The following CDIN1 variants were observed in gnomAD, a reference collection of about 807,000 sequenced individuals.
The protein encoded by CDIN1 is CDAN1-interacting nuclease 1.
In CDIN1, 33 loss-of-function variants were observed where a neutral mutation model predicts 45.3. The observed-to-expected ratio is 0.73, with a 90% CI of 0.55 to 0.97. The LOEUF (loss-of-function observed/expected upper bound fraction) is 0.97, where lower values mean the gene tolerates loss of function less well. CDIN1 is among the 50% of genes least tolerant of loss of function. The probability of loss-of-function intolerance (pLI) is 0.00; values close to 1 mark genes in which losing one functional copy is unlikely to be tolerated. For synonymous variants in CDIN1, 118 were observed against 124.4 expected, an observed-to-expected ratio of 0.95 and a Z score of 0.34; for missense variants, 303 against 339.4, an observed-to-expected ratio of 0.89 and a Z score of 0.84.
chr15:36,656,573 G>A (rs764490883), intron 4 of CDIN1, among the ~76,000 whole-genome samples: 1 of 152,114 alleles, frequency 6.6e-6, no homozygotes, highest in Admixed American at 6.5e-5. Flanking sequence ...CATGAAGCAT[G>A]ATGGCCCTAT....
intron 5 of CDIN1, chr15:36,668,146 A>T (rs902849839): frequency 6.6e-6 from 1 of 152,120 alleles, no homozygotes. Context: ...GTACAGGACT[A>T]ATTTTTCTTG....
chr15:36,688,872 C>G (rs2042147680), intron 5 of CDIN1, among the ~76,000 whole-genome samples: 1 of 152,142 alleles, frequency 6.6e-6, no homozygotes, highest in Admixed American at 6.6e-5. Flanking sequence ...TTTCATGAAG[C>G]CTGAGTGGAA....
intron 1 of CDIN1, among the ~76,000 whole-genome samples, chr15:36,629,849 C>T (rs561140930): frequency 1.3e-5 from 2 of 152,048 alleles, no homozygotes; most frequent in Non-Finnish European, 2.9e-5. Context: ...AGCCAGGGAC[C>T]TCCTAAAGAA....
chr15:36,748,574 G>A (rs986161108), intron 10 of CDIN1, among the ~76,000 whole-genome samples: 5 of 151,716 alleles, frequency 3.3e-5, no homozygotes, highest in African/African-American at 4.8e-5. Flanking sequence ...TAGTGAATTC[G>A]GATTAGTAAT....
intron 10 of CDIN1, among the ~76,000 whole-genome samples, chr15:36,733,017 T>C (rs2043887649): frequency 6.6e-6 from 1 of 152,200 alleles, no homozygotes; most frequent in East Asian, 1.9e-4. Flanking sequence ...CTTATTAGCA[T>C]ACTTCTTTGT....
intron 1 of CDIN1, among the ~76,000 whole-genome samples, chr15:36,602,885 G>C (rs2038176451): frequency 6.6e-6 from 1 of 152,150 alleles, no homozygotes; most frequent in Non-Finnish European, 1.5e-5. Context: ...CTACTTGGGA[G>C]GCTTAGGCAG....
chr15:36,739,431 C>A (rs1328908768), intron 10 of CDIN1, among the ~76,000 whole-genome samples: 1 of 151,972 alleles, frequency 6.6e-6, no homozygotes, highest in Admixed American at 6.6e-5. Context: ...CAAAACAAAA[C>A]AAAACAAAAC....
At chr15:36,714,980 C>T (rs1355991526) in intron 10 of CDIN1, among the ~76,000 whole-genome samples, 1 of 152,166 alleles carries the variant, frequency 6.6e-6, no homozygotes, top group Admixed American at 6.5e-5. Context: ...TCAGATATAA[C>T]TAGACAGGGG....
chr15:36,789,773 T>C (rs1205767713), intron 10 of CDIN1, among the ~76,000 whole-genome samples: 1 of 152,184 alleles, frequency 6.6e-6, no homozygotes, highest in Non-Finnish European at 1.5e-5. Flanking sequence ...GTTCTTGTGC[T>C]GGAAGGTTTG....
intron 3 of CDIN1, among the ~76,000 whole-genome samples, chr15:36,651,225 T>A (rs975323079): frequency 6.6e-6 from 1 of 152,124 alleles, no homozygotes; most frequent in African/African-American, 2.4e-5. Flanking sequence ...CAGTTGCAAT[T>A]TGGATGTTTG....
At chr15:36,773,767 G>A (rs937538598) in intron 10 of CDIN1, among the ~76,000 whole-genome samples, 3 of 152,156 alleles carry the variant, frequency 2.0e-5, no homozygotes, top group African/African-American at 4.8e-5. Flanking sequence ...CTGGGAAAGT[G>A]GTAGGAAGTG....
chr15:36,789,267 G>A (rs2054584575), intron 10 of CDIN1, among the ~76,000 whole-genome samples: 1 of 152,128 alleles, frequency 6.6e-6, no homozygotes, highest in African/African-American at 2.4e-5. Flanking sequence ...ACTGACATCC[G>A]CCACTCACAC....
chr15:36,648,312 A>G (rs185266005), intron 3 of CDIN1, among the ~76,000 whole-genome samples: 11 of 151,708 alleles, frequency 7.3e-5, no homozygotes, highest in Non-Finnish European at 1.5e-4. Context: ...ATGATATAAT[A>G]TTATTTTGTA....
In CDIN1 at chr15:36,619,142, C is replaced by T. The variant is rs62002288; in HGVS notation, c.102-25136C>T. 146 of 1,120,480 alleles carry T rather than the reference C, an allele frequency of 1.3e-4. 1 individual carries two copies. In the African/African-American group the frequency reaches 1.9e-3, roughly 15 times the overall value. 69.4% of individuals were successfully genotyped at this position (1,120,480 alleles called of 1,614,324 possible). On this transcript the variant is annotated intron_variant, in intron 1 of 10. Coordinates refer to ENST00000566621, the MANE Select transcript of CDIN1 (RefSeq NM_001321759.2). ...GATTATTCTGGCTTCTGAGGCCATA[C>T]CATTCCCAGGGGAGCAGCTGGAAAA...
chr15:36,596,732 A>T (rs1446359207), intron 1 of CDIN1, among the ~76,000 whole-genome samples: 2 of 152,136 alleles, frequency 1.3e-5, no homozygotes, highest in Non-Finnish European at 2.9e-5. Context: ...ACAGCAAGAC[A>T]ACCAATTAGA....
In CDIN1 at chr15:36,698,882, G is replaced by T. The variant is rs529224247; in HGVS notation, c.544+1492G>T. Among the ~76,000 whole-genome samples, 48 of 152,238 alleles carry T rather than the reference G, an allele frequency of 3.2e-4. 1 individual carries two copies. In the Middle Eastern group the frequency reaches 0.01, roughly 32 times the overall value. On this transcript the variant is annotated intron_variant, in intron 8 of 10. Coordinates refer to ENST00000566621, the MANE Select transcript of CDIN1 (RefSeq NM_001321759.2). Reference sequence around the variant, plus strand: ...AAAAAAAGCAAAGGTTGTAGATGTGGGCTAAACTTAGTCCTAGTCCTCAAC... The same window carrying T: ...AAAAAAAGCAAAGGTTGTAGATGTGTGCTAAACTTAGTCCTAGTCCTCAAC...
At chr15:36,800,879 ATGTGTGTGTGTGTGTGTGTGTGTGTG>A (rs1163549097) in intron 10 of CDIN1, among the ~76,000 whole-genome samples, 31 of 82,498 alleles carry the variant, frequency 3.8e-4, no homozygotes, top group African/African-American at 1.3e-3. Context: ...GTGTGTATAT[ATGTGTGTGTGTGTGTGTGTGTGTGTG>A]TGTGTATATA....
chr15:36,703,367 CTATCATATATATATA>C (rs2042731283), intron 8 of CDIN1, among the ~76,000 whole-genome samples: 1 of 36,474 alleles, frequency 2.7e-5, no homozygotes, highest in African/African-American at 1.6e-4. Context: ...TCAGATAGAT[CTATCATATATATATA>C]TATCAGATAT....
intron 7 of CDIN1, among the ~76,000 whole-genome samples, chr15:36,695,903 T>C (rs1250865782): frequency 1.3e-5 from 2 of 152,000 alleles, no homozygotes; most frequent in Non-Finnish European, 2.9e-5. Flanking sequence ...TATTATAAGA[T>C]GGTATCTCAA....
Sources: allele counts gnomAD v4.1 joint callset (sites outside exome capture counted in the v4.1 genomes callset), GRCh38; gene constraint gnomAD v4.1.1; transcripts MANE v1.5; gene names NCBI Gene and HGNC (gene_info 2026-07-23, HGNC 2026-07-21).